Variants in ZFPM2 observed in about 807,000 individuals in gnomAD.
ZFPM2 encodes zinc finger protein ZFPM2.
ZFPM2 carries 20 observed loss-of-function variants against 98.6 expected under a neutral mutation model. The observed-to-expected ratio is 0.20, with a 90% CI of 0.14 to 0.29. The LOEUF is 0.29. ZFPM2 is among the 10% of genes least tolerant of loss of function. ZFPM2 has a pLI of 1.00. For missense variants in ZFPM2, 1,310 were observed against 1,388.6 expected (o/e 0.94, Z 0.90); for synonymous variants, 518 against 502.7 (o/e 1.03, Z -0.41).
At chr8:105,653,709 T>C (rs909206942) in intron 5 of ZFPM2, among the ~76,000 whole-genome samples, 4 of 152,250 alleles carry the variant, frequency 2.6e-5, no homozygotes, top group Non-Finnish European at 2.9e-5. Context: ...CATAATGGTG[T>C]AATGACTCTC....
At chr8:105,549,347 A>G (rs1814788297) in intron 3 of ZFPM2, among the ~76,000 whole-genome samples, 1 of 152,318 alleles carries the variant, frequency 6.6e-6, no homozygotes, top group African/African-American at 2.4e-5. Context: ...AAGCGAGGGC[A>G]TGAGATTTTC....
chr8:105,330,631 TACATATATATATATATA>T (rs1563607058), intron 1 of ZFPM2, among the ~76,000 whole-genome samples: 5 of 62,056 alleles, frequency 8.1e-5, no homozygotes, highest in Admixed American at 3.2e-4. Context: ...TATATATATA[TACATATATATATATATA>T]TTTTTCAGGA....
chr8:105,347,896 G>A (rs1257896165), intron 1 of ZFPM2, among the ~76,000 whole-genome samples: 4 of 151,956 alleles, frequency 2.6e-5, no homozygotes, highest in Admixed American at 2.0e-4. Context: ...GATAACCACC[G>A]CTCCCCACCC....
At chr8:105,538,500 C>A (rs1393804089) in intron 3 of ZFPM2, among the ~76,000 whole-genome samples, 4 of 152,032 alleles carry the variant, frequency 2.6e-5, no homozygotes, top group African/African-American at 9.7e-5. Flanking sequence ...GGATAAACAT[C>A]TTTTTAGTTT....
At chr8:105,355,185 T>C (rs1265669361) in intron 1 of ZFPM2, among the ~76,000 whole-genome samples, 1 of 152,234 alleles carries the variant, frequency 6.6e-6, no homozygotes, top group East Asian at 1.9e-4. Context: ...ATTCCTACTA[T>C]GCTTTTATTT....
chr8:105,524,325 A>AT (rs141037392), intron 3 of ZFPM2, among the ~76,000 whole-genome samples: 2,061 of 152,176 alleles, frequency 0.014, 37 homozygotes, highest in African/African-American at 0.042. Context: ...TAGTACCAAC[A>AT]TTTTTTCTCC....
At chr8:105,632,670 A>G (rs1458919486) in intron 4 of ZFPM2, among the ~76,000 whole-genome samples, 1 of 152,240 alleles carries the variant, frequency 6.6e-6, no homozygotes, top group African/African-American at 2.4e-5. Context: ...GGATAACTTG[A>G]TAACATTTTT....
At chr8:105,678,298 C>A (rs1810515026) in intron 5 of ZFPM2, among the ~76,000 whole-genome samples, 1 of 152,188 alleles carries the variant, frequency 6.6e-6, no homozygotes, top group African/African-American at 2.4e-5. Flanking sequence ...CTGCTAGTCA[C>A]ATGCAATAGC....
intron 4 of ZFPM2, among the ~76,000 whole-genome samples, chr8:105,619,152 A>G (rs1255195091): frequency 2.0e-5 from 3 of 152,146 alleles, no homozygotes; most frequent in Non-Finnish European, 4.4e-5. Context: ...GTTATTAACT[A>G]TAAAATTAAA....
chr8:105,633,420 C>T (rs191933494), intron 4 of ZFPM2, among the ~76,000 whole-genome samples: 29 of 152,288 alleles, frequency 1.9e-4, no homozygotes, highest in African/African-American at 7.0e-4. Context: ...CTGAGACATA[C>T]TTATTTCCTC....
At chr8:105,540,901 T>G (rs1016449021) in intron 3 of ZFPM2, among the ~76,000 whole-genome samples, 2 of 152,190 alleles carry the variant, frequency 1.3e-5, no homozygotes, top group African/African-American at 4.8e-5. Context: ...TTATTTAACT[T>G]GAGAAAATGT....
At chr8:105,659,191 C>T (rs143180363) in intron 5 of ZFPM2, among the ~76,000 whole-genome samples, 2 of 151,922 alleles carry the variant, frequency 1.3e-5, no homozygotes, top group Non-Finnish European at 2.9e-5. Flanking sequence ...TTTATAGAAG[C>T]ATTGCCAGAG....
At chr8:105,319,573 C>CGGCG (rs1563601432) in intron 1 of ZFPM2, 1 of 152,566 alleles carries the variant, frequency 6.6e-6, no homozygotes, top group African/African-American at 2.4e-5. Flanking sequence ...GGCGGGCGGC[C>CGGCG]GTGCGTCTCT....
chr8:105,675,188 T>A lies in ZFPM2; in HGVS notation c.532+40831T>A, dbSNP rs575032457. Among the ~76,000 whole-genome samples, 4 of 152,308 alleles carry A rather than the reference T, an allele frequency of 2.6e-5. No homozygotes were observed. The East Asian group carries it at 7.7e-4, about 29-fold the overall frequency. On this transcript the variant is annotated intron_variant, in intron 5 of 7. Coordinates refer to ENST00000407775, the MANE Select transcript of ZFPM2 (RefSeq NM_012082.4). ...TGGTGCTCAAAAAATGTTTACTCAC[T>A]GCTCTAATATATCTTTGGTACTAGT... is the stretch of plus-strand genomic sequence containing the variant.
chr8:105,385,414 TTC>T (rs1207396279), intron 1 of ZFPM2, among the ~76,000 whole-genome samples: 1 of 152,150 alleles, frequency 6.6e-6, no homozygotes, highest in Non-Finnish European at 1.5e-5. Flanking sequence ...TTCATCTCAT[TTC>T]TCTGTTTTCA....
At chr8:105,484,454 C>T (rs1813188802) in intron 3 of ZFPM2, among the ~76,000 whole-genome samples, 1 of 151,178 alleles carries the variant, frequency 6.6e-6, no homozygotes, top group Non-Finnish European at 1.5e-5. Flanking sequence ...TTTGTTATAC[C>T]CTTATGGATG....
intron 3 of ZFPM2, among the ~76,000 whole-genome samples, chr8:105,454,531 G>A (rs1475195960): frequency 2.6e-5 from 4 of 152,206 alleles, no homozygotes; most frequent in African/African-American, 7.2e-5. Context: ...CACTTGCAGT[G>A]ATAGTACCGT....
chr8:105,687,421 A>G (rs1810766831), intron 5 of ZFPM2, among the ~76,000 whole-genome samples: 1 of 152,194 alleles, frequency 6.6e-6, no homozygotes, highest in Non-Finnish European at 1.5e-5. Context: ...ACTGCCATAT[A>G]TTTATTCAAA....
At chr8:105,682,584 T>C (rs1251547957) in intron 5 of ZFPM2, among the ~76,000 whole-genome samples, 1 of 152,168 alleles carries the variant, frequency 6.6e-6, no homozygotes, top group African/African-American at 2.4e-5. Flanking sequence ...TCTTGGTAGA[T>C]TGTTCCTTCT....
Sources: allele counts gnomAD v4.1 joint callset (sites outside exome capture counted in the v4.1 genomes callset), GRCh38; gene constraint gnomAD v4.1.1; transcripts MANE v1.5; gene names NCBI Gene and HGNC (gene_info 2026-07-23, HGNC 2026-07-21).